SMAD5: variants seen among roughly 807,000 people sequenced by gnomAD.
SMAD5 encodes MAD, mothers against decapentaplegic homolog 5.
A neutral mutation model predicts 43.1 loss-of-function variants in SMAD5; 9 were observed. The ratio of observed to expected loss-of-function variants is 0.21; its 90% CI spans 0.13 to 0.36. The LOEUF (loss-of-function observed/expected upper bound fraction) is 0.36. Ranked by LOEUF, SMAD5 falls within the 10% of genes least tolerant of loss-of-function variation. The pLI is 1.00. For synonymous variants in SMAD5, 190 were observed against 192.4 expected, an observed-to-expected ratio of 0.99 and a Z score of 0.10; for missense variants, 348 against 574.0, an observed-to-expected ratio of 0.61 and a Z score of 4.02.
At chr5:136,135,286 A>G (rs867552786) in intron 1 of SMAD5, among the ~76,000 whole-genome samples, 21 of 152,194 alleles carry the variant, frequency 1.4e-4, no homozygotes, top group African/African-American at 4.1e-4. Context: ...AGGCAAGTAA[A>G]TTCTGCTTAC....
intron 7 of SMAD5, among the ~76,000 whole-genome samples, chr5:136,175,104 A>C (rs2149781936): frequency 6.6e-6 from 1 of 152,328 alleles, no homozygotes; most frequent in African/African-American, 2.4e-5. Flanking sequence ...TGAGAGCCAA[A>C]TGAAAGGGGA....
chr5:136,172,024 G>A (rs979365548), intron 5 of SMAD5, among the ~76,000 whole-genome samples: 5 of 152,136 alleles, frequency 3.3e-5, no homozygotes, highest in Non-Finnish European at 5.9e-5. Context: ...ACTGAGGAGG[G>A]GCCATATGAG....
At chr5:136,152,106 C>T (rs552452827) in intron 2 of SMAD5, among the ~76,000 whole-genome samples, 1 of 152,210 alleles carries the variant, frequency 6.6e-6, no homozygotes, top group Admixed American at 6.5e-5. Flanking sequence ...CATATCCATA[C>T]ATAAGGAGGA....
intron 1 of SMAD5, among the ~76,000 whole-genome samples, chr5:136,137,177 C>T (rs1752913651): frequency 1.3e-5 from 2 of 150,976 alleles, no homozygotes; most frequent in Admixed American, 1.3e-4. Flanking sequence ...TAAGTCAGTT[C>T]TGTGTGTGCA....
intron 6 of SMAD5, 168 bp downstream of exon 6, chr5:136,172,823 T>G: frequency 1.7e-6 from 1 of 593,674 alleles, no homozygotes; most frequent in Non-Finnish European, 3.0e-6. Context: ...GACATGATGT[T>G]CCCTCATTTT....
chr5:136,143,081 T>G (rs1367245693), intron 1 of SMAD5, among the ~76,000 whole-genome samples: 1 of 152,048 alleles, frequency 6.6e-6, no homozygotes, highest in African/African-American at 2.4e-5. Flanking sequence ...TCCTTGAGCT[T>G]TAATTTTATA....
At chr5:136,139,730 C>T (rs933466667) in intron 1 of SMAD5, among the ~76,000 whole-genome samples, 3 of 152,146 alleles carry the variant, frequency 2.0e-5, no homozygotes, top group African/African-American at 7.2e-5. Flanking sequence ...GAGTCTTGTG[C>T]TGTCACCCAG....
rs572555641 is a variant in SMAD5 at position 136,181,127 on chromosome 5, A to G, written c.*3647A>G. On this transcript the variant is annotated 3_prime_UTR_variant, in exon 8 of 8. Coordinates refer to ENST00000545279, the MANE Select transcript of SMAD5 (RefSeq NM_005903.7). ...ACATCTGATGTACCAATTTAGATCTATTTCTTTATACTTTTTCTAATCAAT... is the reference window on the plus strand; with the variant it reads ...ACATCTGATGTACCAATTTAGATCTGTTTCTTTATACTTTTTCTAATCAAT... 2.0e-5 allele frequency: 3 copies of G among 152,188 alleles called. No homozygotes were observed. In the South Asian group the frequency reaches 6.2e-4, roughly 32 times the overall value. The allele number at this position is 152,188 out of a possible 1,614,324, so 9.4% of individuals were successfully genotyped here. A position where few individuals can be genotyped will look rare whatever the true frequency, so the allele number is the denominator to read the frequency against.
chr5:136,164,189 C>G (rs1753918462), intron 5 of SMAD5, among the ~76,000 whole-genome samples: 1 of 152,034 alleles, frequency 6.6e-6, no homozygotes, highest in African/African-American at 2.4e-5. Context: ...GAGCGAGGCT[C>G]CATCTCAAAA....
chr5:136,177,021 A>G (rs1051651814), intron 7 of SMAD5, among the ~76,000 whole-genome samples: 2 of 152,190 alleles, frequency 1.3e-5, no homozygotes, highest in African/African-American at 4.8e-5. Flanking sequence ...CAGATCAGAA[A>G]TATTTGTTTT....
At chr5:136,158,797 G>A (rs1289525613) in intron 3 of SMAD5, among the ~76,000 whole-genome samples, 2 of 152,136 alleles carry the variant, frequency 1.3e-5, no homozygotes, top group Non-Finnish European at 2.9e-5. Flanking sequence ...TACTCGGGAG[G>A]CTGAGGCAGG....
rs1754640395 is a variant in SMAD5, at chr5:136,181,942, A to G, written c.*4462A>G. ...TAGCAACTGCAGTAAAACAGGTGAT[A>G]AGTTATTTTCTCTGAAAAGATCCAG... On this transcript the variant is annotated 3_prime_UTR_variant, in exon 8 of 8. Transcript: ENST00000545279. 6.6e-6 allele frequency: 1 copy of G among 152,228 alleles called. No homozygotes were observed. The highest frequency in any genetic ancestry group is 6.5e-5 in the Admixed American group (1 of 15,282). 9.4% of individuals were successfully genotyped at this position (152,228 alleles called of 1,614,324 possible). A position where few individuals can be genotyped will look rare whatever the true frequency, so the allele number is the denominator to read the frequency against.
intron 3 of SMAD5, among the ~76,000 whole-genome samples, chr5:136,160,394 C>T (rs1753784927): frequency 6.6e-6 from 1 of 152,124 alleles, no homozygotes; most frequent in Non-Finnish European, 1.5e-5. Flanking sequence ...CTGATTTTCT[C>T]ATCTCCTCTG....
intron 3 of SMAD5, among the ~76,000 whole-genome samples, chr5:136,158,539 GGGAAGTCCAA>G (rs1376170616): frequency 1.3e-5 from 2 of 152,122 alleles, no homozygotes; most frequent in African/African-American, 4.8e-5. Flanking sequence ...CAGTAGAGAA[GGGAAGTCCAA>G]GGACTTCAGA....
intron 3 of SMAD5, among the ~76,000 whole-genome samples, chr5:136,157,894 T>C (rs544238719): frequency 4.6e-5 from 7 of 152,162 alleles, no homozygotes; most frequent in African/African-American, 7.2e-5. Flanking sequence ...GGAGCCAGGC[T>C]TTCTGGATTT....
chr5:136,146,106 T>C (rs1443359055), intron 1 of SMAD5, among the ~76,000 whole-genome samples: 2 of 151,946 alleles, frequency 1.3e-5, no homozygotes, highest in African/African-American at 4.8e-5. Context: ...CAACTCTTTA[T>C]TATCTAGCTT....
At chr5:136,140,736 C>T (rs1447076370) in intron 1 of SMAD5, among the ~76,000 whole-genome samples, 1 of 151,482 alleles carries the variant, frequency 6.6e-6, no homozygotes, top group East Asian at 1.9e-4. Context: ...TTCTCTATAG[C>T]ACTTTTCACC....
Position 136,141,794 on chromosome 5 carries a change from C to T in SMAD5, c.-244-6038C>T, listed in dbSNP as rs186397810. ...TTATGGAAGTATTTGTACCTAGTTT[C>T]TGATTTGATTTTTCTTAGTTTCAAC... On this transcript the variant is annotated intron_variant, in intron 1 of 7. Transcript: ENST00000545279. Among the ~76,000 whole-genome samples the T allele has an allele frequency of 1.2e-3, 182 of 152,172 alleles. 1 individual carries two copies. Among genetic ancestry groups the T allele is most frequent in the Non-Finnish European group, 5.4e-4 (37 of 67,984 alleles).
At chr5:136,152,489 G>A (rs1277382838) in intron 2 of SMAD5, among the ~76,000 whole-genome samples, 1 of 152,098 alleles carries the variant, frequency 6.6e-6, no homozygotes, top group East Asian at 1.9e-4. Context: ...GAATAATATT[G>A]ATGCTAGAAT....
Sources: allele counts gnomAD v4.1 joint callset (sites outside exome capture counted in the v4.1 genomes callset), GRCh38; gene constraint gnomAD v4.1.1; transcripts MANE v1.5; gene names NCBI Gene and HGNC (gene_info 2026-07-23, HGNC 2026-07-21).